TOP3B: variants seen among roughly 807,000 people sequenced by gnomAD.
TOP3B encodes DNA topoisomerase III beta, also known as DNA topoisomerase 3-beta-1.
A neutral mutation model predicts 93.9 loss-of-function variants in TOP3B; 45 were observed. The ratio of observed to expected loss-of-function variants is 0.48; its 90% CI spans 0.38 to 0.61. The LOEUF is 0.61. Ranked by LOEUF, TOP3B falls within the 20% of genes least tolerant of loss-of-function variation. The pLI, the probability that TOP3B is intolerant of heterozygous loss-of-function variation, is 0.00. For missense variants in TOP3B, 750 were observed against 1,156.1 expected, an observed-to-expected ratio of 0.65 and a Z score of 5.09; for synonymous variants, 357 against 472.6, an observed-to-expected ratio of 0.76 and a Z score of 3.17.
intron 1 of TOP3B, among the ~76,000 whole-genome samples, chr22:21,981,570 G>A (rs1336393451): frequency 6.6e-6 from 1 of 152,206 alleles, no homozygotes; most frequent in Non-Finnish European, 1.5e-5. Flanking sequence ...GCTGAGGCAG[G>A]TGGATCACCC....
At chr22:21,968,828 T>A in intron 6 of TOP3B, 53 bp from the exon 7 acceptor site, 2 of 1,600,484 alleles carry the variant, frequency 1.2e-6, no homozygotes, top group Non-Finnish European at 1.7e-6. Flanking sequence ...GACACTATTA[T>A]GGCCACCCAT....
At chr22:21,967,909 C>A in intron 7 of TOP3B, 193 bp from the exon 8 acceptor site, 1 of 565,402 alleles carries the variant, frequency 1.8e-6, no homozygotes, top group South Asian at 2.1e-5. Context: ...ACCACTTGCC[C>A]CAAAACCAGG....
At chr22:21,960,230 A>C in intron 14 of TOP3B, 91 bp downstream of exon 14, 1 of 1,577,060 alleles carries the variant, frequency 6.3e-7, no homozygotes, top group Non-Finnish European at 8.7e-7. Flanking sequence ...ACTGTAGGGC[A>C]GGGGCCTGTC....
intron 9 of TOP3B, chr22:21,964,577 C>G (rs2071341142): frequency 1.9e-6 from 1 of 534,688 alleles, no homozygotes. Context: ...ACTCACTCTA[C>G]CCCACGGTGC....
At position 21,971,732 on chromosome 22, in the gene TOP3B, A is replaced by C; in HGVS notation, c.384+145T>G. On this transcript the variant is annotated intron_variant, in intron 5 of 17. Transcript: ENST00000357179. This position sits in a 1 kb window ranked among gnomAD's most constrained non-coding sequence, Gnocchi z 4.6. ...TTAAAAGTATCTGTGGAGTTTCAGA[A>C]TAAAGGGAGGGGAGAGGTGTTTTTA... The C allele has an allele frequency of 1.3e-6, 1 of 742,140 alleles. No individual in the cohort carries two copies. The highest frequency in any genetic ancestry group is 2.4e-6 in the Non-Finnish European group (1 of 414,202). 46.0% of individuals were successfully genotyped at this position (742,140 alleles called of 1,614,324 possible). A position where few individuals can be genotyped will look rare whatever the true frequency, so the allele number is the denominator to read the frequency against.
At chr22:21,959,549 ACC>A in intron 15 of TOP3B, 36 bp downstream of exon 15, 1 of 1,566,328 alleles carries the variant, frequency 6.4e-7, no homozygotes, top group Non-Finnish European at 8.7e-7. Flanking sequence ...ACAGAGAGAC[ACC>A]CCTCTGGTGA....
At chr22:21,979,968 T>C (rs974996225) in intron 1 of TOP3B, among the ~76,000 whole-genome samples, 16 of 138,854 alleles carry the variant, frequency 1.2e-4, no homozygotes, top group Admixed American at 5.8e-4. Flanking sequence ...AAAAAAAGCA[T>C]GGCATTCTCT....
rs529961839 is a variant in TOP3B at position 21,981,588 on chromosome 22, G to A, written c.-99+1142C>T. Among the ~76,000 whole-genome samples, 9 of 152,306 alleles carry A rather than the reference G, an allele frequency of 5.9e-5. No individual in the cohort carries two copies. The South Asian group carries it at 1.9e-3, about 32-fold the overall frequency. Reference sequence around the variant, plus strand: ...GAGGCAGGTGGATCACCCGAGGTCAGCAGTTCAAGACCAGCCTGGCCAACA... The same window carrying A: ...GAGGCAGGTGGATCACCCGAGGTCAACAGTTCAAGACCAGCCTGGCCAACA... On this transcript the variant is annotated intron_variant, in intron 1 of 17. Coordinates refer to ENST00000357179, the MANE Select transcript of TOP3B (RefSeq NM_001282112.2).
chr22:21,976,942 C>T (rs1349650914), intron 1 of TOP3B: 6 of 152,156 alleles, frequency 3.9e-5, no homozygotes, highest in African/African-American at 1.2e-4. Context: ...CCACTAAAAC[C>T]GATTCCAGAT....
chr22:21,969,948 T>G, intron 6 of TOP3B: 2 of 279,020 alleles, frequency 7.2e-6, no homozygotes, highest in Non-Finnish European at 1.4e-5. Context: ...TTTTTTTTTT[T>G]TTGTAGAGAT....
At position 21,971,246 on chromosome 22, in the gene TOP3B, A is replaced by G; in HGVS notation, c.384+631T>C. Reference sequence around the variant, plus strand: ...GCTCTGTCTCACTGACCAGCTCTTGAGCCACGGGTGAGAGCTGGGGGTACA... The same window carrying G: ...GCTCTGTCTCACTGACCAGCTCTTGGGCCACGGGTGAGAGCTGGGGGTACA... On this transcript the variant is annotated intron_variant, in intron 5 of 17. Coordinates refer to ENST00000357179, the MANE Select transcript of TOP3B (RefSeq NM_001282112.2). This position sits in a 1 kb window ranked among gnomAD's most constrained non-coding sequence, Gnocchi z 4.6. 3.1e-6 allele frequency: 1 copy of G among 321,422 alleles called. No individual in the cohort carries two copies. Among genetic ancestry groups the G allele is most frequent in the Non-Finnish European group, 6.1e-6 (1 of 164,898 alleles). The allele number at this position is 321,422 out of a possible 1,614,324, so 19.9% of individuals were successfully genotyped here.
chr22:21,964,174 T>C lies in TOP3B; in HGVS notation c.1085A>G (p.Tyr362Cys), dbSNP rs1242771043. Residue 362 changes from tyrosine to cysteine, a missense_variant, in exon 10 of 18, where the codon TAC becomes TGC. Tyr to Cys is a radical substitution (Grantham distance 194). Coordinates refer to ENST00000357179, the MANE Select transcript of TOP3B (RefSeq NM_001282112.2). ...GSLRQQANHP[Y>C]WADTVKRLLA... is the part of the protein sequence containing the mutation. ...GGCTCCACTCACCGTGTCGGCCCAG[T>C]AGGGGTGGTTGGCCTGCTGCCGCAG... 6.2e-7 allele frequency: 1 copy of C among 1,613,842 alleles called. No homozygotes were observed. The highest frequency in any genetic ancestry group is 2.2e-5 in the East Asian group (1 of 44,870).
chr22:21,965,434 T>A, intron 8 of TOP3B, 59 bp from the exon 9 acceptor site: 2 of 1,141,744 alleles, frequency 1.8e-6, no homozygotes, highest in Non-Finnish European at 2.5e-6. Flanking sequence ...ATAGAGGGAA[T>A]CAAGATGTGT....
intron 1 of TOP3B, chr22:21,976,682 G>C (rs2071884623): frequency 6.6e-6 from 1 of 152,182 alleles, no homozygotes; most frequent in African/African-American, 2.4e-5. Flanking sequence ...AATAGGACAC[G>C]ATGGGCTTTG....
At chr22:21,968,088 G>A in intron 7 of TOP3B, 1 of 288,602 alleles carries the variant, frequency 3.5e-6, no homozygotes, top group South Asian at 4.0e-5. Context: ...CTCCAAGACA[G>A]TGTCTCACTG....
rs114194061 is a variant in TOP3B, at chr22:21,965,293, G to C, written c.935C>G (p.Ser312Cys). Reference sequence around the variant, plus strand: ...GAAATGTCCCTACATACCCAGAGAAGAGCTGGCCACACGCAGCATCTCCAC... The same window carrying C: ...GAAATGTCCCTACATACCCAGAGAACAGCTGGCCACACGCAGCATCTCCAC... ...NTVEMLRVAS[S>C]SLGMGPQHAM... is the part of the protein sequence containing the mutation. Residue 312 changes from serine to cysteine, a missense_variant, in exon 9 of 18, where the codon TCT (serine) becomes TGT (cysteine). Transcript: ENST00000357179. 2 of 1,596,744 alleles carry C rather than the reference G, an allele frequency of 1.3e-6. No individual in the cohort carries two copies. Among genetic ancestry groups the C allele is most frequent in the Non-Finnish European group, 1.7e-6 (2 of 1,170,960 alleles).
chr22:21,959,083 G>A, intron 16 of TOP3B, 49 bp downstream of exon 16: 1 of 1,602,290 alleles, frequency 6.2e-7, no homozygotes, highest in Non-Finnish European at 8.5e-7. Flanking sequence ...TAAAGCTGAG[G>A]CCTACAGGGG....
At chr22:21,961,152 C>T (rs2071161642) in intron 13 of TOP3B, 2 of 152,368 alleles carry the variant, frequency 1.3e-5, no homozygotes, top group Admixed American at 1.3e-4. Flanking sequence ...GAGAATCTCA[C>T]ATGGGAAGAA....
At chr22:21,964,991 G>A in intron 9 of TOP3B, 1 of 281,036 alleles carries the variant, frequency 3.6e-6, no homozygotes, top group Admixed American at 5.2e-5. Flanking sequence ...AAGGAGAAAA[G>A]ACTGAGGAGA....
Sources: allele counts gnomAD v4.1 joint callset (sites outside exome capture counted in the v4.1 genomes callset), GRCh38; gene constraint gnomAD v4.1.1; non-coding constraint Gnocchi (gnomAD v3.1); transcripts MANE v1.5; gene names NCBI Gene and HGNC (gene_info 2026-07-23, HGNC 2026-07-21).